The following PKHD1L1 variants were observed in gnomAD, a reference collection of about 807,000 sequenced individuals.
The protein encoded by PKHD1L1 is fibrocystin-L.
Under a neutral mutation model 462.9 loss-of-function variants are expected in PKHD1L1, and 434 were observed. The observed-to-expected ratio is 0.94, with a 90% confidence interval of 0.87 to 1.02. The LOEUF is 1.02. PKHD1L1 is among the 50% of genes least tolerant of loss of function. The pLI, the probability that PKHD1L1 is intolerant of heterozygous loss-of-function variation, is 0.00. For synonymous variants in PKHD1L1, 1,781 were observed against 1,750.0 expected (o/e 1.02, Z -0.44); for missense variants, 5,202 against 5,096.1 (o/e 1.02, Z -0.63).
chr8:109,503,697 A>T (rs913754845), intron 67 of PKHD1L1, among the ~76,000 whole-genome samples: 3 of 152,224 alleles, frequency 2.0e-5, no homozygotes, highest in Non-Finnish European at 2.9e-5. Context: ...CATTTATCTT[A>T]GCTGGATAAC....
intron 71 of PKHD1L1, among the ~76,000 whole-genome samples, chr8:109,511,806 C>T (rs1021834888): frequency 6.6e-6 from 1 of 152,148 alleles, no homozygotes; most frequent in Non-Finnish European, 1.5e-5. Flanking sequence ...TTTACAGTCC[C>T]ACCAACAGTG....
chr8:109,385,078 G>GT (rs1812366485), intron 5 of PKHD1L1, among the ~76,000 whole-genome samples: 1 of 151,618 alleles, frequency 6.6e-6, no homozygotes, highest in Non-Finnish European at 1.5e-5. Context: ...AACGTTTGTT[G>GT]TTTTTTCTTC....
chr8:109,521,106 G>A (rs1239454701), intron 73 of PKHD1L1, among the ~76,000 whole-genome samples: 5 of 152,172 alleles, frequency 3.3e-5, no homozygotes, highest in Non-Finnish European at 1.5e-5. Context: ...AAGAGTCTGA[G>A]TCATCCAAAA....
intron 14 of PKHD1L1, among the ~76,000 whole-genome samples, chr8:109,404,068 T>G (rs1475210202): frequency 2.0e-5 from 3 of 152,132 alleles, no homozygotes; most frequent in Admixed American, 2.0e-4. Flanking sequence ...GAGGCAATGT[T>G]TTATTCCCCA....
chr8:109,523,712 A>C (rs1278741116), intron 76 of PKHD1L1, among the ~76,000 whole-genome samples: 2 of 152,222 alleles, frequency 1.3e-5, no homozygotes, highest in African/African-American at 4.8e-5. Flanking sequence ...ATTCAATAAA[A>C]GAAAGGATAA....
chr8:109,472,343 T>C (rs1817764759), intron 50 of PKHD1L1, among the ~76,000 whole-genome samples: 1 of 152,142 alleles, frequency 6.6e-6, no homozygotes, highest in Non-Finnish European at 1.5e-5. Context: ...AGCTTTCTTT[T>C]TGTGGTTATT....
chr8:109,438,226 T>C (rs1242486691), intron 30 of PKHD1L1, 98 bp from the exon 31 acceptor site: 2 of 926,284 alleles, frequency 2.2e-6, no homozygotes, highest in Admixed American at 7.6e-5. Context: ...AAGTAAAACA[T>C]CTTCAGAAGT....
chr8:109,457,725 G>T (rs911464956), intron 46 of PKHD1L1, among the ~76,000 whole-genome samples: 14 of 152,120 alleles, frequency 9.2e-5, no homozygotes, highest in African/African-American at 3.4e-4. Context: ...CAAACTAAGT[G>T]CTTATTAACA....
At chr8:109,363,642 G>C (rs1023077997) in intron 1 of PKHD1L1, among the ~76,000 whole-genome samples, 4 of 151,958 alleles carry the variant, frequency 2.6e-5, no homozygotes, top group Non-Finnish European at 4.4e-5. Flanking sequence ...TCTATCCACT[G>C]TGTAGCTTTG....
In PKHD1L1 at chr8:109,406,491, T is replaced by G. The variant is rs534891252; in HGVS notation, c.1813+13T>G. 974 of 1,582,340 alleles carry G rather than the reference T, an allele frequency of 6.2e-4. 16 individuals carry two copies. The South Asian group carries it at 0.01, about 17-fold the overall frequency. ...ATATCAACTAGAGGTAAGCATGTACTTAATTTTGTACTTCTGTAGGAAACA... is the reference window on the plus strand; with the variant it reads ...ATATCAACTAGAGGTAAGCATGTACGTAATTTTGTACTTCTGTAGGAAACA... On this transcript the variant is annotated intron_variant, in intron 17 of 77. Transcript: ENST00000378402.
rs1334789290 is a variant in PKHD1L1, at chr8:109,458,371, C to T, written c.7005-1224C>T. ...TCCTCTTTGGGCTCCATTCCACTTT[C>T]TTCCCCCCACGAATTCATTCTGCAT... On this transcript the variant is annotated intron_variant, in intron 46 of 77. Transcript: ENST00000378402. Among the ~76,000 whole-genome samples the T allele has an allele frequency of 2.2e-4, 33 of 151,480 alleles. No individual in the cohort carries two copies. The Admixed American group carries it at 2.2e-3, about 10-fold the overall frequency.
rs375856975 is a variant in PKHD1L1, at chr8:109,464,658, G to A, written c.7826G>A (p.Gly2609Asp). The A allele has an allele frequency of 6.4e-5, 103 of 1,612,832 alleles. No individual in the cohort carries two copies. Among genetic ancestry groups the A allele is most frequent in the Non-Finnish European group, 8.4e-5 (99 of 1,179,790 alleles). Reference sequence around the variant, plus strand: ...ATTTGTCAAAAAAGAGTTCCCCTTGGCGAATTTTTTAACAATACTGTCCAT... The same window carrying A: ...ATTTGTCAAAAAAGAGTTCCCCTTGACGAATTTTTTAACAATACTGTCCAT... ...RNICQKRVPL[G>D]EFFNNTVHSQ... is the part of the protein sequence containing the mutation. The change falls in exon 49 of 78, where the codon GGC (glycine) becomes GAC (aspartate). Residue 2609 changes from glycine to aspartate, a missense_variant. By Grantham distance (94) the Gly-to-Asp change is moderately conservative. Coordinates refer to ENST00000378402, the MANE Select transcript of PKHD1L1 (RefSeq NM_177531.6).
At chr8:109,389,467 T>A (rs1214600306) in intron 8 of PKHD1L1, among the ~76,000 whole-genome samples, 4 of 151,996 alleles carry the variant, frequency 2.6e-5, no homozygotes. Flanking sequence ...TTCTTCTTGA[T>A]CTATGTCCTC....
In PKHD1L1 at chr8:109,445,513, T is replaced by TGCC; in HGVS notation, c.5647_5649dup (p.Arg1883dup). The TGCC allele has an allele frequency of 6.2e-7, 1 of 1,613,758 alleles. No individual in the cohort carries two copies. Among genetic ancestry groups the TGCC allele is most frequent in the Non-Finnish European group, 8.5e-7 (1 of 1,179,812 alleles). On this transcript the variant is annotated inframe_insertion, in exon 38 of 78. Transcript: ENST00000378402. ...TTCCATCAACCCCAATGAAGTCTAC[T>TGCC]GCCGCACTCCCGCTGGGACCACTGG...
In PKHD1L1 at chr8:109,473,763, T is replaced by C. The variant is rs144214418; in HGVS notation, c.8606-1355T>C. On this transcript the variant is annotated intron_variant, in intron 50 of 77. Transcript: ENST00000378402. ...TAGGCTGGGCTCTGCTGGAAGTCTCTGCTTCAATATAAGGCTTTGCTTCTC... is the reference window on the plus strand; with the variant it reads ...TAGGCTGGGCTCTGCTGGAAGTCTCCGCTTCAATATAAGGCTTTGCTTCTC... Among the ~76,000 whole-genome samples the C allele has an allele frequency of 6.7e-3, 1,017 of 152,288 alleles. 6 individuals carry two copies. Among genetic ancestry groups the C allele is most frequent in the Middle Eastern group, 0.024 (7 of 294 alleles).
chr8:109,524,049 G>GT (rs1820696858), intron 76 of PKHD1L1, among the ~76,000 whole-genome samples: 1 of 152,054 alleles, frequency 6.6e-6, no homozygotes, highest in African/African-American at 2.4e-5. Context: ...ACTCTGATTG[G>GT]TAAAAACCAT....
chr8:109,503,198 C>G (rs1400333223), intron 67 of PKHD1L1, among the ~76,000 whole-genome samples: 1 of 151,864 alleles, frequency 6.6e-6, no homozygotes, highest in Non-Finnish European at 1.5e-5. Flanking sequence ...ATCCCAGCTA[C>G]TCAGGAGGCT....
chr8:109,397,285 C>G (rs547065008), intron 11 of PKHD1L1, among the ~76,000 whole-genome samples: 1 of 152,244 alleles, frequency 6.6e-6, no homozygotes, highest in South Asian at 2.1e-4. Flanking sequence ...GTTTATGTGT[C>G]TTTCCTTTGC....
Position 109,389,129 on chromosome 8 carries a change from G to A in PKHD1L1, c.674G>A (p.Cys225Tyr), listed in dbSNP as rs369988115. ...AATGGAGATATGGGTTCTATGGTTTGTAAGACGACTGGAACTTTTATTGGC... is the reference window on the plus strand; with the variant it reads ...AATGGAGATATGGGTTCTATGGTTTATAAGACGACTGGAACTTTTATTGGC... ...HPNGDMGSMV[C>Y]KTTGTFIGHH... is the part of the protein sequence containing the mutation. Residue 225 changes from cysteine (C) to tyrosine (Y), a missense_variant, in exon 8 of 78, where the codon TGT (cysteine) becomes TAT (tyrosine). Transcript: ENST00000378402. The A allele has an allele frequency of 5.0e-6, 8 of 1,610,220 alleles. No individual in the cohort carries two copies. Among genetic ancestry groups the A allele is most frequent in the Non-Finnish European group, 5.9e-6 (7 of 1,177,576 alleles).
Sources: allele counts gnomAD v4.1 joint callset (sites outside exome capture counted in the v4.1 genomes callset), GRCh38; gene constraint gnomAD v4.1.1; transcripts MANE v1.5; gene names NCBI Gene and HGNC (gene_info 2026-07-23, HGNC 2026-07-21).